Variants in TMEM232 observed in about 807,000 individuals in gnomAD.
The protein encoded by TMEM232 is transmembrane protein 232.
TMEM232 carries 80 observed loss-of-function variants against 78.8 expected under a neutral mutation model. The observed-to-expected ratio is 1.01, with a 90% confidence interval of 0.85 to 1.22. The LOEUF is 1.22. Among genes scored for constraint, TMEM232 ranks in the 50% most tolerant of loss-of-function variants. The pLI, the probability that TMEM232 is intolerant of heterozygous loss-of-function variation, is 0.00. For synonymous variants in TMEM232, 297 were observed against 254.3 expected, an observed-to-expected ratio of 1.17 and a Z score of -1.60; for missense variants, 881 against 742.2, an observed-to-expected ratio of 1.19 and a Z score of -2.17.
intron 1 of TMEM232, among the ~76,000 whole-genome samples, chr5:110,693,851 G>T (rs1258614793): frequency 1.3e-5 from 2 of 152,160 alleles, no homozygotes; most frequent in Non-Finnish European, 2.9e-5. Context: ...AAGTGACGGG[G>T]AGAATGGAAC....
intron 2 of TMEM232, among the ~76,000 whole-genome samples, chr5:110,659,495 G>C (rs1429906197): frequency 6.6e-6 from 1 of 152,110 alleles, no homozygotes; most frequent in Non-Finnish European, 1.5e-5. Flanking sequence ...AGATTCACTG[G>C]AGGAGGATGC....
intron 12 of TMEM232, among the ~76,000 whole-genome samples, chr5:110,445,376 G>A (rs1759534334): frequency 6.6e-6 from 1 of 151,898 alleles, no homozygotes; most frequent in South Asian, 2.1e-4. Context: ...TACATTCAAG[G>A]AAATGAACAT....
chr5:110,397,999 T>C (rs985031676), intron 2 of TMEM232: 1 of 152,378 alleles, frequency 6.6e-6, no homozygotes, highest in African/African-American at 2.4e-5. Context: ...TCTTAATTAT[T>C]TCCAGAAAAG....
chr5:110,406,663 T>G (rs1290512261), intron 2 of TMEM232, among the ~76,000 whole-genome samples: 1 of 152,022 alleles, frequency 6.6e-6, no homozygotes, highest in Non-Finnish European at 1.5e-5. Context: ...ACTGGTAAAA[T>G]TAAGTACATG....
chr5:110,594,049 C>T (rs931798626), intron 10 of TMEM232, among the ~76,000 whole-genome samples: 2 of 152,164 alleles, frequency 1.3e-5, no homozygotes, highest in Admixed American at 1.3e-4. Flanking sequence ...TGGTCTGCAG[C>T]TCCCAGTGAA....
intron 8 of TMEM232, among the ~76,000 whole-genome samples, chr5:110,612,767 C>T (rs956801842): frequency 6.6e-6 from 1 of 152,084 alleles, no homozygotes; most frequent in African/African-American, 2.4e-5. Context: ...TCATACTGCT[C>T]GAATGAAATG....
At chr5:110,451,076 G>A (rs1760223756) in intron 12 of TMEM232, among the ~76,000 whole-genome samples, 1 of 152,182 alleles carries the variant, frequency 6.6e-6, no homozygotes, top group Non-Finnish European at 1.5e-5. Flanking sequence ...ATTTGGCTGT[G>A]ATGGAACACA....
chr5:110,633,227 A>T (rs1395096205), intron 5 of TMEM232, among the ~76,000 whole-genome samples: 6 of 152,228 alleles, frequency 3.9e-5, no homozygotes, highest in Admixed American at 3.9e-4. Flanking sequence ...CTTACAAAAA[A>T]TGTTCAAGGG....
At chr5:110,518,034 C>A (rs1561609452) in intron 12 of TMEM232, among the ~76,000 whole-genome samples, 1 of 151,996 alleles carries the variant, frequency 6.6e-6, no homozygotes, top group East Asian at 1.9e-4. Context: ...CATATCTTTT[C>A]TCTTTCCTTT....
chr5:110,689,667 C>A (rs1216007488), intron 1 of TMEM232, among the ~76,000 whole-genome samples: 1 of 152,032 alleles, frequency 6.6e-6, no homozygotes, highest in Non-Finnish European at 1.5e-5. Flanking sequence ...AAAAAGGGCC[C>A]ATATAGCCAA....
At chr5:110,734,607 G>C (rs768768057) in intron 2 of TMEM232, among the ~76,000 whole-genome samples, 13 of 152,060 alleles carry the variant, frequency 8.5e-5, no homozygotes, top group Non-Finnish European at 1.9e-4. Flanking sequence ...AATAAACTCG[G>C]CAATTAAGAA....
intron 12 of TMEM232, among the ~76,000 whole-genome samples, chr5:110,437,599 A>G (rs933480922): frequency 6.6e-6 from 1 of 152,034 alleles, no homozygotes; most frequent in Non-Finnish European, 1.5e-5. Context: ...TATCATTACT[A>G]CTAGTACATG....
At chr5:110,581,682 AG>A (rs1778223759) in intron 10 of TMEM232, among the ~76,000 whole-genome samples, 1 of 151,788 alleles carries the variant, frequency 6.6e-6, no homozygotes, top group African/African-American at 2.4e-5. Context: ...CTAATTAAAG[AG>A]CTTCTGCACA....
chr5:110,603,756 A>G (rs1406638045), intron 10 of TMEM232, among the ~76,000 whole-genome samples: 1 of 152,210 alleles, frequency 6.6e-6, no homozygotes, highest in Non-Finnish European at 1.5e-5. Flanking sequence ...ATAAAAAAAT[A>G]AAAGCTTGAA....
At chr5:110,702,576 C>T (rs182615203) in intron 1 of TMEM232, among the ~76,000 whole-genome samples, 1 of 152,196 alleles carries the variant, frequency 6.6e-6, no homozygotes, top group East Asian at 1.9e-4. Context: ...TCTTCATTGC[C>T]TCTGTTTTTG....
chr5:110,647,731 T>C (rs565844894), intron 2 of TMEM232, among the ~76,000 whole-genome samples: 4 of 152,068 alleles, frequency 2.6e-5, no homozygotes, highest in East Asian at 1.9e-4. Flanking sequence ...CCTTTATTGA[T>C]TGACATTTCA....
chr5:110,680,420 A>AC (rs1792584849), intron 1 of TMEM232, among the ~76,000 whole-genome samples: 1 of 150,686 alleles, frequency 6.6e-6, no homozygotes, highest in African/African-American at 2.4e-5. Flanking sequence ...AAAAAAAAAA[A>AC]AGCAACCTAA....
At chr5:110,612,568 T>A (rs1376254024) in intron 8 of TMEM232, among the ~76,000 whole-genome samples, 1 of 152,180 alleles carries the variant, frequency 6.6e-6, no homozygotes, top group African/African-American at 2.4e-5. Context: ...GTGATCTAGC[T>A]GAAAAGGAAG....
In TMEM232 at chr5:110,641,342, AAAACAG is replaced by A. The variant is rs146959054; in HGVS notation, c.238-352_238-347del. On this transcript the variant is annotated intron_variant, in intron 3 of 13. Transcript: ENST00000455884. ...AGGAAAAACATTGAAGAAATGTGAT[AAAACAG>A]AAGTGAGTTTGATGCCAGTTTGCTG... Among the ~76,000 whole-genome samples the A allele has an allele frequency of 6.5e-3, 993 of 152,288 alleles. 6 individuals carry two copies. The highest frequency in any genetic ancestry group is 8.6e-3 in the Non-Finnish European group (583 of 68,006).
Sources: gnomAD v4.1 joint callset for allele counts (sites outside exome capture counted in the v4.1 genomes callset) on GRCh38, gnomAD v4.1.1 for gene constraint, MANE v1.5 for transcripts, NCBI Gene and HGNC (gene_info 2026-07-23, HGNC 2026-07-21) for gene names.